The following TMEM132D variants were observed in gnomAD, a reference collection of about 807,000 sequenced individuals.
TMEM132D encodes mature OL transmembrane protein.
A neutral mutation model predicts 62.3 loss-of-function variants in TMEM132D; 21 were observed. That is an observed-to-expected ratio of 0.34 (90% confidence interval 0.24 to 0.49). TMEM132D has a LOEUF of 0.49. Ranked by LOEUF, TMEM132D falls within the 20% of genes least tolerant of loss-of-function variation. TMEM132D has a pLI of 0.99. For missense variants in TMEM132D, 1,346 were observed against 1,402.8 expected (o/e 0.96, Z 0.65); for synonymous variants, 621 against 575.6 (o/e 1.08, Z -1.13).
intron 2 of TMEM132D, among the ~76,000 whole-genome samples, chr12:129,564,589 C>T (rs1229713104): frequency 3.3e-5 from 5 of 152,186 alleles, no homozygotes; most frequent in Non-Finnish European, 5.9e-5. Context: ...GTGAACACGT[C>T]CCTCGGCCAC....
intron 3 of TMEM132D, among the ~76,000 whole-genome samples, chr12:129,510,032 T>C (rs568875474): frequency 6.6e-6 from 1 of 152,200 alleles, no homozygotes; most frequent in African/African-American, 2.4e-5. Flanking sequence ...TTTAGTTTTC[T>C]AATGAACCTC....
At chr12:129,767,050 C>A (rs1472000383) in intron 1 of TMEM132D, among the ~76,000 whole-genome samples, 5 of 152,220 alleles carry the variant, frequency 3.3e-5, no homozygotes, top group Non-Finnish European at 5.9e-5. Context: ...AGTAGCCCTG[C>A]TCTGCAGAAG....
At chr12:129,843,115 T>A (rs1018281052) in intron 1 of TMEM132D, among the ~76,000 whole-genome samples, 1 of 152,250 alleles carries the variant, frequency 6.6e-6, no homozygotes, top group African/African-American at 2.4e-5. Flanking sequence ...TAAATAGTAC[T>A]GCCTGTAAGA....
chr12:129,300,450 G>A (rs1457892324), intron 4 of TMEM132D, among the ~76,000 whole-genome samples: 1 of 152,198 alleles, frequency 6.6e-6, no homozygotes, highest in Non-Finnish European at 1.5e-5. Context: ...CCACACACGT[G>A]CAATGCACCT....
chr12:129,758,925 T>C (rs1346063623), intron 1 of TMEM132D, among the ~76,000 whole-genome samples: 1 of 150,756 alleles, frequency 6.6e-6, no homozygotes, highest in Non-Finnish European at 1.5e-5. Flanking sequence ...GTTTAATTTC[T>C]TTCTTTCTTT....
intron 1 of TMEM132D, among the ~76,000 whole-genome samples, chr12:129,875,526 C>G (rs11060599): frequency 0.11 from 16,392 of 152,086 alleles, 1,637 homozygotes; most frequent in East Asian, 0.58. Context: ...TATCCTGAGT[C>G]CCATTTAGAG....
chr12:129,187,929 C>T (rs1200429657), intron 5 of TMEM132D, among the ~76,000 whole-genome samples: 3 of 152,206 alleles, frequency 2.0e-5, no homozygotes, highest in Admixed American at 2.0e-4. Context: ...TTTCTTTACA[C>T]CAACTACTTT....
In TMEM132D at chr12:129,588,728, C is replaced by T. The variant is rs544804394; in HGVS notation, c.969-57523G>A. 5.1e-4 allele frequency among the ~76,000 whole-genome samples: 74 copies of T among 143,836 alleles called. 1 individual carries two copies. In the South Asian group the frequency reaches 0.016, roughly 31 times the overall value. The allele number at this position is 143,836 out of a possible 152,430, so 94.4% of individuals were successfully genotyped here. On this transcript the variant is annotated intron_variant, in intron 2 of 8. Coordinates refer to ENST00000422113, the MANE Select transcript of TMEM132D (RefSeq NM_133448.3). ...TAGCTGGGACTACAGGCACCTGCCA[C>T]CACGCCCAGCTATTTTTTTCTTTTT...
intron 1 of TMEM132D, among the ~76,000 whole-genome samples, chr12:129,772,823 T>G (rs1487913787): frequency 6.6e-6 from 1 of 152,230 alleles, no homozygotes; most frequent in Admixed American, 6.5e-5. Flanking sequence ...TGGGGACCTG[T>G]GAGGGCGGAA....
In TMEM132D at chr12:129,137,137, CACT is replaced by C. The variant is rs1305657086; in HGVS notation, c.1444-52438_1444-52436del. On this transcript the variant is annotated intron_variant, in intron 5 of 8. Transcript: ENST00000422113. ...CCATCATCACCATCATCATCACCATCACTATCATTGTCATCACTATCACAATCA... is the reference window on the plus strand; with the variant it reads ...CCATCATCACCATCATCATCACCATCATCATTGTCATCACTATCACAATCA... Among the ~76,000 whole-genome samples, 30 of 32,672 alleles carry C rather than the reference CACT, an allele frequency of 9.2e-4. 1 individual carries two copies. The highest frequency in any genetic ancestry group is 4.7e-3 in the South Asian group (5 of 1,054). 21.4% of individuals were successfully genotyped at this position (32,672 alleles called of 152,430 possible).
intron 3 of TMEM132D, among the ~76,000 whole-genome samples, chr12:129,462,258 C>T (rs972470000): frequency 5.3e-5 from 8 of 151,988 alleles, no homozygotes; most frequent in African/African-American, 1.4e-4. Context: ...GGAATAAAGA[C>T]GCACTTAGGA....
At chr12:129,788,083 G>A (rs916340623) in intron 1 of TMEM132D, among the ~76,000 whole-genome samples, 2 of 152,308 alleles carry the variant, frequency 1.3e-5, no homozygotes, top group Non-Finnish European at 2.9e-5. Context: ...TTGAATATGC[G>A]GGAAACCAAG....
intron 4 of TMEM132D, among the ~76,000 whole-genome samples, chr12:129,248,439 G>T (rs1880180802): frequency 6.6e-6 from 1 of 151,862 alleles, no homozygotes; most frequent in South Asian, 2.1e-4. Context: ...ATAACATCCT[G>T]GTACTGTAGC....
At chr12:129,459,840 G>C (rs367636808) in intron 3 of TMEM132D, among the ~76,000 whole-genome samples, 2 of 152,144 alleles carry the variant, frequency 1.3e-5, no homozygotes, top group Non-Finnish European at 2.9e-5. Context: ...ACACCAGCAC[G>C]CATTCAAACA....
intron 1 of TMEM132D, among the ~76,000 whole-genome samples, chr12:129,724,591 C>T (rs760849631): frequency 6.6e-6 from 1 of 152,170 alleles, no homozygotes; most frequent in Non-Finnish European, 1.5e-5. Flanking sequence ...GGCGTGATCT[C>T]GGCTCACCGC....
chr12:129,126,665 T>C (rs1876223204), intron 5 of TMEM132D, among the ~76,000 whole-genome samples: 1 of 152,140 alleles, frequency 6.6e-6, no homozygotes, highest in African/African-American at 2.4e-5. Flanking sequence ...GGGGCTTATG[T>C]TACGTATGGA....
chr12:129,304,276 T>C (rs938176001), intron 4 of TMEM132D, among the ~76,000 whole-genome samples: 16 of 152,258 alleles, frequency 1.1e-4, no homozygotes, highest in African/African-American at 3.9e-4. Flanking sequence ...GGTCATGGCC[T>C]GAGCGATCCC....
intron 5 of TMEM132D, among the ~76,000 whole-genome samples, chr12:129,175,971 A>T (rs1403731138): frequency 6.6e-6 from 1 of 152,214 alleles, no homozygotes; most frequent in East Asian, 1.9e-4. Context: ...TCACCCTTGC[A>T]AAACATCAAG....
At chr12:129,076,660 G>A (rs1003870896) in intron 8 of TMEM132D, among the ~76,000 whole-genome samples, 3 of 152,096 alleles carry the variant, frequency 2.0e-5, no homozygotes, top group South Asian at 2.1e-4. Flanking sequence ...TCTCTCAATC[G>A]GCCATGAAAT....
Sources: allele counts gnomAD v4.1 joint callset (sites outside exome capture counted in the v4.1 genomes callset), GRCh38; gene constraint gnomAD v4.1.1; transcripts MANE v1.5; gene names NCBI Gene and HGNC (gene_info 2026-07-23, HGNC 2026-07-21).